The following TPRG1 variants were observed in gnomAD, a reference collection of about 807,000 sequenced individuals.
TPRG1 encodes the protein tumor protein p63-regulated gene 1 protein.
Under a neutral mutation model 29.3 loss-of-function variants are expected in TPRG1, and 29 were observed. That is an observed-to-expected ratio of 0.99 (90% CI 0.74 to 1.35). The LOEUF is 1.35. Ranked by LOEUF, TPRG1 falls within the 40% of genes most tolerant of loss-of-function variation. The probability of loss-of-function intolerance (pLI) is 0.00; values close to 1 mark genes in which losing one functional copy is unlikely to be tolerated. For missense variants in TPRG1, 327 were observed against 335.0 expected (o/e 0.98, Z 0.19); for synonymous variants, 130 against 116.8 (o/e 1.11, Z -0.73).
At chr3:189,320,436 A>C (rs1724186063) in intron 5 of TPRG1, among the ~76,000 whole-genome samples, 190 bp from the exon 6 acceptor site, 1 of 152,106 alleles carries the variant, frequency 6.6e-6, no homozygotes, top group Non-Finnish European at 1.5e-5. Flanking sequence ...AGTTAGTCTT[A>C]ATGGACTTAA....
chr3:189,235,626 A>C (rs1232930994), intron 3 of TPRG1, among the ~76,000 whole-genome samples: 7 of 152,108 alleles, frequency 4.6e-5, no homozygotes, highest in Non-Finnish European at 1.0e-4. Context: ...TAGAAGGAAA[A>C]ATTCTAGGAA....
chr3:189,252,472 T>C (rs1311943453), intron 4 of TPRG1, among the ~76,000 whole-genome samples: 1 of 152,184 alleles, frequency 6.6e-6, no homozygotes, highest in African/African-American at 2.4e-5. Flanking sequence ...CCCTAAATCT[T>C]ACCTCTATCA....
intron 4 of TPRG1, among the ~76,000 whole-genome samples, chr3:189,260,981 G>A (rs894247890): frequency 4.6e-5 from 7 of 152,174 alleles, no homozygotes; most frequent in South Asian, 2.1e-4. Context: ...AAACCGGCTC[G>A]TGGCCCGGGC....
intron 1 of TPRG1, among the ~76,000 whole-genome samples, chr3:189,110,056 C>T (rs1219332843): frequency 6.6e-6 from 1 of 152,024 alleles, no homozygotes; most frequent in Non-Finnish European, 1.5e-5. Flanking sequence ...TTTGTGGTTG[C>T]AAATAAAGCT....
At chr3:189,297,732 G>A (rs367776513) in intron 4 of TPRG1, among the ~76,000 whole-genome samples, 131 of 152,264 alleles carry the variant, frequency 8.6e-4, no homozygotes, top group African/African-American at 3.0e-3. Context: ...GGGCTTGTGC[G>A]AGTTTTTCCA....
intron 5 of TPRG1, among the ~76,000 whole-genome samples, chr3:189,312,103 T>TCTCTCTCTCTCTCTCTCTCTC (rs1560688768): frequency 4.3e-5 from 3 of 69,418 alleles, no homozygotes; most frequent in Non-Finnish European, 6.3e-5. Context: ...CTTTGTTTCT[T>TCTCTCTCTCTCTCTCTCTCTC]TGTTTCTTTC....
chr3:189,175,369 G>A (rs1341466732), intron 1 of TPRG1, among the ~76,000 whole-genome samples: 3 of 152,174 alleles, frequency 2.0e-5, no homozygotes, highest in Non-Finnish European at 2.9e-5. Context: ...AGGGTAGGAA[G>A]CATTTACTAC....
chr3:189,270,094 C>T (rs911328207), intron 4 of TPRG1, among the ~76,000 whole-genome samples: 5 of 150,830 alleles, frequency 3.3e-5, no homozygotes, highest in African/African-American at 1.2e-4. Context: ...CACAAACTAG[C>T]TATGTTGTTC....
At chr3:189,293,811 T>C (rs897806603) in intron 4 of TPRG1, among the ~76,000 whole-genome samples, 1 of 152,224 alleles carries the variant, frequency 6.6e-6, no homozygotes, top group Admixed American at 6.5e-5. Flanking sequence ...TCTCCCTTGC[T>C]TTTACTCTCC....
intron 4 of TPRG1, among the ~76,000 whole-genome samples, chr3:189,068,474 A>G (rs920885709): frequency 6.6e-6 from 1 of 152,228 alleles, no homozygotes; most frequent in Non-Finnish European, 1.5e-5. Flanking sequence ...CTAGTCAGCC[A>G]TAAAAAAGAA....
chr3:189,039,658 T>C (rs910241279), intron 4 of TPRG1, among the ~76,000 whole-genome samples: 2 of 152,236 alleles, frequency 1.3e-5, no homozygotes, highest in African/African-American at 4.8e-5. Flanking sequence ...TGAACATTTC[T>C]ATTGAAAACC....
upstream of TPRG1, among the ~76,000 whole-genome samples, chr3:189,098,558 G>C (rs1718843373): frequency 6.6e-6 from 1 of 152,164 alleles, no homozygotes; most frequent in South Asian, 2.1e-4. Context: ...TCCCAAAATT[G>C]TGAGTAAAAT....
intron 4 of TPRG1, among the ~76,000 whole-genome samples, chr3:189,070,325 T>A (rs1235399032): frequency 6.6e-6 from 1 of 152,126 alleles, no homozygotes; most frequent in Non-Finnish European, 1.5e-5. Flanking sequence ...AACCCTTGGA[T>A]GAGGGAACTG....
chr3:189,133,312 A>C (rs1056637192), intron 3 of TPRG1, among the ~76,000 whole-genome samples: 1 of 152,164 alleles, frequency 6.6e-6, no homozygotes, highest in Non-Finnish European at 1.5e-5. Flanking sequence ...AATAGTGCCA[A>C]CTCCAGAGAG....
chr3:189,218,851 C>G (rs1445970034), intron 3 of TPRG1, among the ~76,000 whole-genome samples: 4 of 152,102 alleles, frequency 2.6e-5, no homozygotes, highest in Non-Finnish European at 5.9e-5. Flanking sequence ...AGTCTTTAGT[C>G]ATATTTGATC....
chr3:189,285,209 A>C (rs577085140), intron 4 of TPRG1, among the ~76,000 whole-genome samples: 12 of 152,350 alleles, frequency 7.9e-5, no homozygotes, highest in African/African-American at 2.9e-4. Flanking sequence ...TTTCTTAAAA[A>C]TGAACTTCAT....
At chr3:189,088,968 ATATCTATCTATCTATCTATCTATCTATC>A (rs36139441) in intron 4 of TPRG1, among the ~76,000 whole-genome samples, 3 of 148,882 alleles carry the variant, frequency 2.0e-5, no homozygotes, top group African/African-American at 7.4e-5. Flanking sequence ...GTATCTATTG[ATATCTATCTATCTATCTATCTATCTATC>A]TATCTATCTA....
intron 4 of TPRG1, among the ~76,000 whole-genome samples, chr3:189,257,975 T>C (rs1293492115): frequency 1.3e-5 from 2 of 152,224 alleles, no homozygotes; most frequent in Non-Finnish European, 2.9e-5. Context: ...AGTTTGTTAT[T>C]GCCTACCTTC....
intron 3 of TPRG1, among the ~76,000 whole-genome samples, chr3:189,011,584 A>G (rs1011293766): frequency 5.3e-5 from 8 of 152,136 alleles, no homozygotes; most frequent in Non-Finnish European, 1.0e-4. Context: ...GGCAACTCCC[A>G]TTTTTAAAAC....
Sources: allele counts gnomAD v4.1 joint callset (sites outside exome capture counted in the v4.1 genomes callset), GRCh38; gene constraint gnomAD v4.1.1; transcripts MANE v1.5; gene names NCBI Gene and HGNC (gene_info 2026-07-23, HGNC 2026-07-21).